The following JARID2 variants were observed in gnomAD, a reference collection of about 807,000 sequenced individuals.
JARID2 encodes protein Jumonji.
A neutral mutation model predicts 125.6 loss-of-function variants in JARID2; 21 were observed. That is an observed-to-expected ratio of 0.17 (90% CI 0.12 to 0.24). JARID2 has a LOEUF of 0.24. Ranked by LOEUF, JARID2 falls within the 10% of genes least tolerant of loss-of-function variation. The pLI, the probability that JARID2 is intolerant of heterozygous loss-of-function variation, is 1.00. For synonymous variants in JARID2, 736 were observed against 661.6 expected (o/e 1.11, Z -1.73); for missense variants, 1,303 against 1,639.6 (o/e 0.79, Z 3.55).
rs753848936 is a variant in JARID2 at position 15,255,138 on chromosome 6, C to CTT, written c.45+8574_45+8575dup. On this transcript the variant is annotated intron_variant, in intron 1 of 17. Transcript: ENST00000341776. ...CATACACATTGGTAAACTAGGAATTCTTTTTTTTTTTTTTTTTTTTTGAGA... is the reference window on the plus strand; with the variant it reads ...CATACACATTGGTAAACTAGGAATTCTTTTTTTTTTTTTTTTTTTTTTTGAGA... 3.4e-3 allele frequency among the ~76,000 whole-genome samples: 408 copies of CTT among 121,134 alleles called. 4 individuals carry two copies. The highest frequency in any genetic ancestry group is 9.1e-3 in the Middle Eastern group (2 of 220). 79.5% of individuals were successfully genotyped at this position (121,134 alleles called of 152,430 possible). A position where few individuals can be genotyped will look rare whatever the true frequency, so the allele number is the denominator to read the frequency against.
intron 1 of JARID2, among the ~76,000 whole-genome samples, chr6:15,337,490 G>A (rs1762916144): frequency 6.6e-6 from 1 of 152,146 alleles, no homozygotes; most frequent in Non-Finnish European, 1.5e-5. Context: ...CGATGGGGGA[G>A]GTGGGTGGTA....
intron 4 of JARID2, among the ~76,000 whole-genome samples, chr6:15,461,120 G>A (rs917973465): frequency 6.6e-6 from 1 of 152,234 alleles, no homozygotes; most frequent in Non-Finnish European, 1.5e-5. Flanking sequence ...GTGAGATGAA[G>A]CGAACCATAG....
At chr6:15,318,374 A>G (rs1001409663) in intron 1 of JARID2, among the ~76,000 whole-genome samples, 4 of 152,208 alleles carry the variant, frequency 2.6e-5, no homozygotes, top group African/African-American at 9.6e-5. Flanking sequence ...GTGCAGGGGG[A>G]TGAGGCACAT....
chr6:15,320,830 A>G (rs1405104928), intron 1 of JARID2, among the ~76,000 whole-genome samples: 2 of 148,060 alleles, frequency 1.4e-5, no homozygotes, highest in Non-Finnish European at 3.0e-5. Context: ...ATGCAAGAAT[A>G]TGATTCATTC....
intron 1 of JARID2, among the ~76,000 whole-genome samples, chr6:15,282,244 G>A (rs1226057147): frequency 6.6e-6 from 1 of 152,016 alleles, no homozygotes; most frequent in African/African-American, 2.4e-5. Context: ...CGCCTGTCAT[G>A]TGCTGTTTTA....
intron 1 of JARID2, among the ~76,000 whole-genome samples, chr6:15,283,861 A>G (rs763535370): frequency 2.0e-5 from 3 of 151,208 alleles, no homozygotes; most frequent in South Asian, 2.1e-4. Context: ...GCCTGCCACC[A>G]TGCCCGGCTA....
chr6:15,268,103 C>T (rs932384356), intron 1 of JARID2, among the ~76,000 whole-genome samples: 5 of 152,170 alleles, frequency 3.3e-5, no homozygotes, highest in Admixed American at 2.0e-4. Context: ...CTTTCCTTCT[C>T]TGAAAAGACC....
At chr6:15,503,016 A>G (rs1023315375) in intron 8 of JARID2, among the ~76,000 whole-genome samples, 1 of 152,246 alleles carries the variant, frequency 6.6e-6, no homozygotes, top group African/African-American at 2.4e-5. Flanking sequence ...AAGGAGGCCA[A>G]TTCTGTGAGC....
chr6:15,479,034 C>T (rs1230075665), intron 5 of JARID2, among the ~76,000 whole-genome samples: 2 of 152,182 alleles, frequency 1.3e-5, no homozygotes, highest in Non-Finnish European at 2.9e-5. Flanking sequence ...GAGTTAACGC[C>T]ATCCTTTTCT....
Position 15,520,194 on chromosome 6 carries a change from G to GC in JARID2, c.3690dup (p.Ser1231LeufsTer60). 1 of 1,613,530 alleles carries GC rather than the reference G, an allele frequency of 6.2e-7. No homozygotes were observed. Among genetic ancestry groups the GC allele is most frequent in the Non-Finnish European group, 8.5e-7 (1 of 1,179,760 alleles). ...CCCGCAAGAGAGCGACAGTGGACGT[G>GC]CCCCCCTCCCGTCTGTCAGCCTCCA... On this transcript the variant is annotated frameshift_variant, in exon 18 of 18. Transcript: ENST00000341776. LOFTEE classifies it high-confidence loss of function.
In JARID2 at chr6:15,501,400, C is replaced by A; in HGVS notation, c.2439C>A (p.Cys813Ter). ...DKGVLNDFHKCIYKGRSVSLT... is the reference protein window; with the variant it reads ...DKGVLNDFHK ...GCGTCCTCAATGACTTCCACAAGTG[C>A]ATCTATAAGGTAGGGGCCTCCGCAG... Residue 813 changes from cysteine (C) to a stop codon, truncating the protein, a stop_gained, in exon 8 of 18, where the codon TGC (cysteine) becomes TGA (stop). Coordinates refer to ENST00000341776, the MANE Select transcript of JARID2 (RefSeq NM_004973.4). LOFTEE classifies it high-confidence loss of function. 6.5e-7 allele frequency: 1 copy of A among 1,541,952 alleles called. No homozygotes were observed.
intron 4 of JARID2, among the ~76,000 whole-genome samples, chr6:15,455,305 G>C (rs1300758991): frequency 6.6e-6 from 1 of 151,690 alleles, no homozygotes; most frequent in Non-Finnish European, 1.5e-5. Context: ...ATATTTATGG[G>C]TCACATGATG....
In JARID2 at chr6:15,410,383, A is replaced by G. The variant is rs372932637; in HGVS notation, c.323+18A>G. On this transcript the variant is annotated intron_variant, in intron 3 of 17. Transcript: ENST00000341776. Reference sequence around the variant, plus strand: ...AGGAAAAGGTTAGTACCCAAGGCTGAAAATATTGGTACCTTCAACCAGGGA... The same window carrying G: ...AGGAAAAGGTTAGTACCCAAGGCTGGAAATATTGGTACCTTCAACCAGGGA... The G allele has an allele frequency of 3.7e-6, 6 of 1,611,892 alleles. No individual in the cohort carries two copies. In the African/African-American group the frequency reaches 8.0e-5, roughly 22 times the overall value.
intron 5 of JARID2, among the ~76,000 whole-genome samples, chr6:15,485,818 C>T (rs916397428): frequency 6.6e-6 from 1 of 152,038 alleles, no homozygotes; most frequent in East Asian, 1.9e-4. Flanking sequence ...TCTTAAAATT[C>T]CATGTGAGAT....
chr6:15,395,131 T>A (rs1240851988), intron 2 of JARID2, among the ~76,000 whole-genome samples: 1 of 152,182 alleles, frequency 6.6e-6, no homozygotes, highest in African/African-American at 2.4e-5. Context: ...AATTACTGGA[T>A]TACAGATTTG....
intron 2 of JARID2, among the ~76,000 whole-genome samples, chr6:15,404,519 G>GCA (rs3138770): frequency 0.013 from 1,732 of 138,226 alleles, 14 homozygotes; most frequent in East Asian, 0.022. Context: ...ATCTTAAAGT[G>GCA]CACACACACA....
chr6:15,416,700 G>C (rs897026166), intron 3 of JARID2, among the ~76,000 whole-genome samples: 1 of 141,840 alleles, frequency 7.1e-6, no homozygotes, highest in Non-Finnish European at 1.5e-5. Context: ...GAGGGAGACC[G>C]TGGGGAGAGG....
At chr6:15,264,869 A>G (rs1393567505) in intron 1 of JARID2, among the ~76,000 whole-genome samples, 2 of 152,176 alleles carry the variant, frequency 1.3e-5, no homozygotes, top group Admixed American at 1.3e-4. Context: ...CTATAATGTA[A>G]TGCAGAATAT....
chr6:15,449,342 C>T (rs570968064), intron 3 of JARID2, among the ~76,000 whole-genome samples: 2 of 152,206 alleles, frequency 1.3e-5, no homozygotes, highest in South Asian at 4.2e-4. Flanking sequence ...TCAGTTATTC[C>T]TGGGTTCTAA....
Sources: allele counts gnomAD v4.1 joint callset (sites outside exome capture counted in the v4.1 genomes callset), GRCh38; gene constraint gnomAD v4.1.1; transcripts MANE v1.5; gene names NCBI Gene and HGNC (gene_info 2026-07-23, HGNC 2026-07-21).